DPP10: variants seen among roughly 807,000 people sequenced by gnomAD.
The protein encoded by DPP10 is dipeptidyl peptidase like 10.
In DPP10, 33 loss-of-function variants were observed where a neutral mutation model predicts 120.9. That is an observed-to-expected ratio of 0.27 (90% CI 0.21 to 0.37). The LOEUF (loss-of-function observed/expected upper bound fraction) is 0.37, where lower values mean the gene tolerates loss of function less well. DPP10 is among the 10% of genes least tolerant of loss of function. DPP10 has a pLI of 1.00. For synonymous variants in DPP10, 337 were observed against 326.1 expected (o/e 1.03, Z -0.36); for missense variants, 816 against 942.8 (o/e 0.87, Z 1.76).
At chr2:115,185,543 A>G (rs2054374632) in intron 1 of DPP10, among the ~76,000 whole-genome samples, 1 of 152,190 alleles carries the variant, frequency 6.6e-6, no homozygotes, top group African/African-American at 2.4e-5. Flanking sequence ...CACAAGTAAA[A>G]AAGTACCTAA....
intron 1 of DPP10, among the ~76,000 whole-genome samples, chr2:114,819,199 A>G (rs556753463): frequency 6.6e-6 from 1 of 150,420 alleles, no homozygotes; most frequent in African/African-American, 2.5e-5. Context: ...GGAACTTACT[A>G]AGCTTTTTTT....
chr2:115,478,917 G>A (rs1489372608), intron 3 of DPP10, among the ~76,000 whole-genome samples: 1 of 152,156 alleles, frequency 6.6e-6, no homozygotes, highest in Non-Finnish European at 1.5e-5. Context: ...ATTTGGTGAT[G>A]ACGTGGAGAA....
intron 3 of DPP10, among the ~76,000 whole-genome samples, chr2:115,382,223 A>G (rs2066440514): frequency 6.6e-6 from 1 of 152,198 alleles, no homozygotes; most frequent in Admixed American, 6.5e-5. Context: ...CTGTGGGCAT[A>G]GGACCCTCTG....
At chr2:115,096,193 TAACTC>T (rs1573597838) in intron 1 of DPP10, among the ~76,000 whole-genome samples, 2 of 152,134 alleles carry the variant, frequency 1.3e-5, no homozygotes, top group East Asian at 3.9e-4. Flanking sequence ...TCTTACAAAA[TAACTC>T]AACTCTGTAG....
chr2:115,803,969 T>G (rs1395282934), intron 19 of DPP10, among the ~76,000 whole-genome samples: 1 of 152,182 alleles, frequency 6.6e-6, no homozygotes, highest in Admixed American at 6.5e-5. Flanking sequence ...TGAATCTGAA[T>G]ATTGGCCTTC....
intron 3 of DPP10, among the ~76,000 whole-genome samples, chr2:115,375,072 T>A (rs2065687014): frequency 6.6e-6 from 1 of 152,248 alleles, no homozygotes; most frequent in Non-Finnish European, 1.5e-5. Flanking sequence ...AATGGGTTTT[T>A]CTTTTCTACT....
rs568224103 is a variant in DPP10 at position 115,138,111 on chromosome 2, C to G, written c.61-171128C>G. 3.9e-5 allele frequency among the ~76,000 whole-genome samples: 6 copies of G among 152,220 alleles called. No individual in the cohort carries two copies. The South Asian group carries it at 1.0e-3, about 26-fold the overall frequency. On this transcript the variant is annotated intron_variant, in intron 1 of 25. Transcript: ENST00000410059. ...TTTGCATTTCCAAAAGTTATATGCACAGATACTTGCACTGCTTCATTTCCT... is the reference window on the plus strand; with the variant it reads ...TTTGCATTTCCAAAAGTTATATGCAGAGATACTTGCACTGCTTCATTTCCT...
At position 115,537,235 on chromosome 2, in the gene DPP10, T is replaced by C. The variant is rs553826992; in HGVS notation, c.441+11263T>C. ...ATTAAGATTATGGACTCTTCTTTAG[T>C]TCAGTGGGTTCCTGCATGTGCCTGT... is the stretch of plus-strand genomic sequence containing the variant. On this transcript the variant is annotated intron_variant, in intron 5 of 25. Transcript: ENST00000410059. Among the ~76,000 whole-genome samples the C allele has an allele frequency of 5.9e-5, 9 of 152,184 alleles. No individual in the cohort carries two copies. The South Asian group carries it at 1.2e-3, about 21-fold the overall frequency.
chr2:114,594,432 A>C (rs1691726935), intron 1 of DPP10, among the ~76,000 whole-genome samples: 1 of 148,458 alleles, frequency 6.7e-6, no homozygotes, highest in South Asian at 2.1e-4. Context: ...ATATATGTAA[A>C]AGGGAGCTTA....
chr2:114,712,045 C>G (rs1324808929), intron 1 of DPP10, among the ~76,000 whole-genome samples: 1 of 152,116 alleles, frequency 6.6e-6, no homozygotes, highest in Admixed American at 6.5e-5. Context: ...TCTGGCTGGG[C>G]ACGGTGGCTC....
chr2:115,374,298 G>A (rs904171300), intron 3 of DPP10, among the ~76,000 whole-genome samples: 1 of 152,118 alleles, frequency 6.6e-6, no homozygotes, highest in Non-Finnish European at 1.5e-5. Flanking sequence ...CAAGTGGGAG[G>A]AGACATGGAT....
intron 1 of DPP10, among the ~76,000 whole-genome samples, chr2:114,819,349 C>A (rs1378338264): frequency 6.6e-6 from 1 of 152,122 alleles, no homozygotes; most frequent in Non-Finnish European, 1.5e-5. Context: ...AAGCCACTTA[C>A]CCTCTGTGAT....
At chr2:115,195,314 T>A (rs1283992202) in intron 1 of DPP10, among the ~76,000 whole-genome samples, 2 of 152,194 alleles carry the variant, frequency 1.3e-5, no homozygotes, top group African/African-American at 4.8e-5. Flanking sequence ...AGCATGATAA[T>A]ATAACCATAC....
intron 15 of DPP10, among the ~76,000 whole-genome samples, chr2:115,780,466 G>A (rs17654177): frequency 6.6e-6 from 1 of 151,632 alleles, no homozygotes; most frequent in Non-Finnish European, 1.5e-5. Flanking sequence ...TTGTGGAAAT[G>A]CATATTCCTT....
intron 1 of DPP10, among the ~76,000 whole-genome samples, chr2:114,462,649 C>G (rs968412734): frequency 6.6e-6 from 1 of 152,160 alleles, no homozygotes; most frequent in Non-Finnish European, 1.5e-5. Context: ...TGCTGTTAAC[C>G]TAGCTCACTT....
chr2:114,739,393 T>C (rs1003905075), intron 1 of DPP10, among the ~76,000 whole-genome samples: 1 of 152,126 alleles, frequency 6.6e-6, no homozygotes, highest in Non-Finnish European at 1.5e-5. Context: ...GAACGGTGGC[T>C]CACACCTGTA....
At chr2:114,707,807 T>C (rs757103461) in intron 1 of DPP10, among the ~76,000 whole-genome samples, 6 of 152,196 alleles carry the variant, frequency 3.9e-5, no homozygotes, top group Non-Finnish European at 5.9e-5. Context: ...ATTCTACTTA[T>C]ATGTGATAAT....
chr2:114,984,172 T>C (rs1467542143), intron 1 of DPP10, among the ~76,000 whole-genome samples: 3 of 152,236 alleles, frequency 2.0e-5, no homozygotes, highest in Non-Finnish European at 4.4e-5. Flanking sequence ...GATTCCATTA[T>C]GCTGCCACAA....
At chr2:115,823,232 A>T (rs1687986427) in intron 21 of DPP10, among the ~76,000 whole-genome samples, 2 of 151,990 alleles carry the variant, frequency 1.3e-5, no homozygotes, top group South Asian at 4.1e-4. Flanking sequence ...ATTTGTATTT[A>T]TGTATTATGT....
Sources: gnomAD v4.1 joint callset for allele counts (sites outside exome capture counted in the v4.1 genomes callset) on GRCh38, gnomAD v4.1.1 for gene constraint, MANE v1.5 for transcripts, NCBI Gene and HGNC (gene_info 2026-07-23, HGNC 2026-07-21) for gene names.